ENPP2: variants seen among roughly 807,000 people sequenced by gnomAD.
The protein encoded by ENPP2 is ectonucleotide pyrophosphatase/phosphodiesterase 2.
In ENPP2, 51 loss-of-function variants were observed where a neutral mutation model predicts 120.2. The observed-to-expected ratio is 0.42, with a 90% CI of 0.34 to 0.54. ENPP2 has a LOEUF of 0.54. Among genes scored for constraint, ENPP2 ranks in the 20% least tolerant of loss-of-function variants. The probability of loss-of-function intolerance (pLI) is 0.04; values close to 1 mark genes in which losing one functional copy is unlikely to be tolerated. For missense variants in ENPP2, 920 were observed against 1,066.5 expected (o/e 0.86, Z 1.91); for synonymous variants, 365 against 366.4 (o/e 1.00, Z 0.04).
intron 1 of ENPP2, among the ~76,000 whole-genome samples, chr8:119,661,490 C>T (rs1002323322): frequency 6.6e-6 from 1 of 152,114 alleles, no homozygotes; most frequent in Non-Finnish European, 1.5e-5. Context: ...AGAATATCTG[C>T]TATCAAAAAC....
At chr8:119,632,085 T>C (rs1280937121) in intron 2 of ENPP2, among the ~76,000 whole-genome samples, 1 of 152,336 alleles carries the variant, frequency 6.6e-6, no homozygotes, top group East Asian at 1.9e-4. Flanking sequence ...CCTGACGTAA[T>C]GTCAAATAGG....
chr8:119,609,429 A>G (rs1472933714), intron 8 of ENPP2, among the ~76,000 whole-genome samples: 1 of 152,184 alleles, frequency 6.6e-6, no homozygotes, highest in Non-Finnish European at 1.5e-5. Flanking sequence ...CTTCTTGGCC[A>G]GACTTTTGGT....
Position 119,617,302 on chromosome 8 carries a change from A to T in ENPP2, c.578-59T>A. The T allele has an allele frequency of 1.5e-5, 21 of 1,386,940 alleles. No individual in the cohort carries two copies. The South Asian group carries it at 2.5e-4, about 16-fold the overall frequency. 85.9% of individuals were successfully genotyped at this position (1,386,940 alleles called of 1,614,324 possible). The stretch of plus-strand genomic sequence containing the variant: ...AACCAACAGGAATTGCTTATAGAAA[A>T]TCCATTTTATAAACACTCAGACATG... On this transcript the variant is annotated intron_variant, in intron 6 of 24. Transcript: ENST00000075322.
chr8:119,652,345 C>T (rs1017769539), intron 1 of ENPP2, among the ~76,000 whole-genome samples: 2 of 152,146 alleles, frequency 1.3e-5, no homozygotes, highest in Non-Finnish European at 2.9e-5. Context: ...TTGGGAAGGA[C>T]ATAAACATTC....
chr8:119,577,606 G>A (rs760409800), intron 19 of ENPP2, among the ~76,000 whole-genome samples: 1 of 152,218 alleles, frequency 6.6e-6, no homozygotes, highest in Non-Finnish European at 1.5e-5. Context: ...CACATAATAA[G>A]ACAAATATTT....
intron 1 of ENPP2, among the ~76,000 whole-genome samples, chr8:119,644,623 T>TATATATATATAC (rs1563768976): frequency 1.0e-5 from 1 of 97,250 alleles, no homozygotes; most frequent in Non-Finnish European, 2.0e-5. Flanking sequence ...TATATATATA[T>TATATATATATAC]ATACACACAC....
chr8:119,617,090 TA>T, intron 7 of ENPP2, 73 bp downstream of exon 7: 2 of 951,074 alleles, frequency 2.1e-6, no homozygotes, highest in Non-Finnish European at 3.4e-6. Context: ...GTTTTAAAAG[TA>T]AAGTCTCTCC....
chr8:119,642,412 G>GT (rs560029541), upstream of ENPP2, among the ~76,000 whole-genome samples: 169 of 151,592 alleles, frequency 1.1e-3, no homozygotes, highest in African/African-American at 4.0e-3. Context: ...TTTATTTTTA[G>GT]TTTTTTTAAT....
chr8:119,633,991 T>C (rs1313469586), intron 2 of ENPP2, among the ~76,000 whole-genome samples: 3 of 152,228 alleles, frequency 2.0e-5, no homozygotes, highest in African/African-American at 7.2e-5. Flanking sequence ...GAGAGCAGCC[T>C]GGCTAACATG....
intron 1 of ENPP2, among the ~76,000 whole-genome samples, chr8:119,653,943 A>G (rs956064557): frequency 7.4e-5 from 11 of 148,002 alleles, no homozygotes; most frequent in Admixed American, 4.1e-4. Flanking sequence ...TTTTATCTCT[A>G]TATATAATAT....
At chr8:119,661,638 T>C (rs1817923771) in intron 1 of ENPP2, among the ~76,000 whole-genome samples, 1 of 152,152 alleles carries the variant, frequency 6.6e-6, no homozygotes, top group South Asian at 2.1e-4. Flanking sequence ...AAAATAGAAC[T>C]GCCATATGAT....
chr8:119,587,170 A>G, intron 13 of ENPP2, 95 bp from the exon 14 acceptor site: 1 of 983,884 alleles, frequency 1.0e-6, no homozygotes, highest in Non-Finnish European at 1.6e-6. Context: ...TTCTCCTTCC[A>G]TCCCACAGAA....
At chr8:119,566,604 C>T (rs548148610) in intron 22 of ENPP2, among the ~76,000 whole-genome samples, 2 of 152,100 alleles carry the variant, frequency 1.3e-5, no homozygotes, top group Non-Finnish European at 1.5e-5. Flanking sequence ...AAAGGCCAGG[C>T]CTGCAGAAAT....
At chr8:119,654,041 T>C (rs973511443) in intron 1 of ENPP2, among the ~76,000 whole-genome samples, 4 of 146,030 alleles carry the variant, frequency 2.7e-5, no homozygotes, top group African/African-American at 9.9e-5. Context: ...TTATTATATG[T>C]TATATTATCT....
intron 19 of ENPP2, among the ~76,000 whole-genome samples, chr8:119,577,318 A>G (rs182149283): frequency 1.3e-5 from 2 of 152,378 alleles, no homozygotes; most frequent in African/African-American, 4.8e-5. Context: ...AACATAATAC[A>G]TGTGTGCTCA....
At chr8:119,648,799 G>A (rs60654926) in intron 1 of ENPP2, among the ~76,000 whole-genome samples, 1 of 152,190 alleles carries the variant, frequency 6.6e-6, no homozygotes, top group African/African-American at 2.4e-5. Flanking sequence ...AAGACTGAAT[G>A]CTTTCCCCTA....
chr8:119,620,290 C>A (rs1815795122), intron 4 of ENPP2, among the ~76,000 whole-genome samples: 1 of 152,134 alleles, frequency 6.6e-6, no homozygotes, highest in Admixed American at 6.6e-5. Context: ...GCCTTTGTGG[C>A]TTCCTGGTAC....
chr8:119,657,803 G>C (rs556968067), intron 1 of ENPP2, among the ~76,000 whole-genome samples: 1 of 152,344 alleles, frequency 6.6e-6, no homozygotes, highest in Non-Finnish European at 1.5e-5. Context: ...ATGGCGTGAA[G>C]GGGTCATTGT....
chr8:119,594,225 T>G (rs553369089), intron 11 of ENPP2, among the ~76,000 whole-genome samples: 1 of 152,306 alleles, frequency 6.6e-6, no homozygotes, highest in South Asian at 2.1e-4. Flanking sequence ...TGAAATCACA[T>G]TAGATTTTGA....
Sources: allele counts gnomAD v4.1 joint callset (sites outside exome capture counted in the v4.1 genomes callset), GRCh38; gene constraint gnomAD v4.1.1; transcripts MANE v1.5; gene names NCBI Gene and HGNC (gene_info 2026-07-23, HGNC 2026-07-21).